The following STK3 variants were observed in gnomAD, a reference collection of about 807,000 sequenced individuals.
The protein encoded by STK3 is serine/threonine kinase 3, also known as serine/threonine-protein kinase 3.
STK3 carries 41 observed loss-of-function variants against 58.0 expected under a neutral mutation model. The ratio of observed to expected loss-of-function variants is 0.71; its 90% CI spans 0.55 to 0.92. The LOEUF (loss-of-function observed/expected upper bound fraction) is 0.92, where lower values mean the gene tolerates loss of function less well. Ranked by LOEUF, STK3 falls within the 40% of genes least tolerant of loss-of-function variation. The probability of loss-of-function intolerance (pLI) is 0.00; values close to 1 mark genes in which losing one functional copy is unlikely to be tolerated. For synonymous variants in STK3, 170 were observed against 191.0 expected (o/e 0.89, Z 0.91); for missense variants, 479 against 602.7 (o/e 0.79, Z 2.15).
At chr8:98,833,875 G>A (rs1291744188) in intron 3 of STK3, among the ~76,000 whole-genome samples, 6 of 152,034 alleles carry the variant, frequency 3.9e-5, no homozygotes, top group South Asian at 4.2e-4. Context: ...AACCTGTTAC[G>A]ACCATTTGTG....
At chr8:98,647,189 G>A (rs957012658) in intron 6 of STK3, among the ~76,000 whole-genome samples, 1 of 152,000 alleles carries the variant, frequency 6.6e-6, no homozygotes, top group African/African-American at 2.4e-5. Context: ...GATCTCCCCA[G>A]GTATATGTGT....
At position 98,749,289 on chromosome 8, in the gene STK3, A is replaced by G; in HGVS notation, c.338T>C (p.Leu113Ser). The G allele has an allele frequency of 1.2e-6, 2 of 1,603,062 alleles. No homozygotes were observed. Among genetic ancestry groups the G allele is most frequent in the Non-Finnish European group, 1.7e-6 (2 of 1,174,162 alleles). The change falls in exon 4 of 11, where the codon TTA becomes TCA. Residue 113 changes from leucine to serine, a missense_variant. This residue lies in a region of STK3 where 126 missense variants were observed against 210.1 expected (regional missense o/e 0.60). Coordinates refer to ENST00000419617, the MANE Select transcript of STK3 (RefSeq NM_006281.4). ...TAAAATACTTACTGTCTTGTTTCGT[A>G]ATCTAATTATGTCTGAGACAGAGCC... is the stretch of plus-strand genomic sequence containing the variant. ...GAGSVSDIIR[L>S]RNKTLIEDEI... is the part of the protein sequence containing the mutation.
At chr8:98,699,944 T>C (rs1469785946) in intron 6 of STK3, among the ~76,000 whole-genome samples, 1 of 152,198 alleles carries the variant, frequency 6.6e-6, no homozygotes, top group South Asian at 2.1e-4. Flanking sequence ...TGTCTTTTTG[T>C]TTGTCTGTGC....
At chr8:98,690,890 G>A (rs1824357918) in intron 6 of STK3, among the ~76,000 whole-genome samples, 1 of 152,120 alleles carries the variant, frequency 6.6e-6, no homozygotes, top group African/African-American at 2.4e-5. Flanking sequence ...AAAAAATAAT[G>A]GGATCATGTC....
At chr8:98,432,387 G>A (rs1184351383) in intron 3 of STK3, 1 of 167,086 alleles carries the variant, frequency 6.0e-6, no homozygotes, top group Non-Finnish European at 1.5e-5. Flanking sequence ...TGATATCTGT[G>A]ATGTGCATTT....
intron 6 of STK3, among the ~76,000 whole-genome samples, chr8:98,649,744 A>C (rs1257470088): frequency 6.6e-6 from 1 of 152,216 alleles, no homozygotes; most frequent in Non-Finnish European, 1.5e-5. Flanking sequence ...GTAAACCATA[A>C]AGGAATTTTA....
chr8:98,592,140 T>G (rs1815368303), intron 7 of STK3, among the ~76,000 whole-genome samples: 2 of 152,330 alleles, frequency 1.3e-5, no homozygotes, highest in South Asian at 4.1e-4. Flanking sequence ...ATTCTCTTGT[T>G]TACATATGTA....
At chr8:98,639,285 G>T (rs1233538053) in intron 6 of STK3, among the ~76,000 whole-genome samples, 1 of 151,918 alleles carries the variant, frequency 6.6e-6, no homozygotes, top group Non-Finnish European at 1.5e-5. Context: ...AATTGTTTTT[G>T]TATGTTTTGT....
intron 1 of STK3, among the ~76,000 whole-genome samples, chr8:98,803,466 C>G (rs560978626): frequency 6.6e-6 from 1 of 151,498 alleles, no homozygotes; most frequent in South Asian, 2.1e-4. Flanking sequence ...TGGTAGGGGA[C>G]GCCTGTAGTC....
chr8:98,597,112 C>T (rs904179139), intron 6 of STK3: 5 of 240,694 alleles, frequency 2.1e-5, no homozygotes, highest in African/African-American at 1.2e-4. Flanking sequence ...AAAAATTACT[C>T]CAGAATTCAA....
chr8:98,725,559 C>G (rs892885228), intron 4 of STK3, among the ~76,000 whole-genome samples: 1 of 152,228 alleles, frequency 6.6e-6, no homozygotes, highest in Admixed American at 6.5e-5. Flanking sequence ...ATCCAAGGAA[C>G]TAACTTTCCA....
At chr8:98,726,759 G>C (rs1315529878) in intron 4 of STK3, among the ~76,000 whole-genome samples, 1 of 152,044 alleles carries the variant, frequency 6.6e-6, no homozygotes, top group African/African-American at 2.4e-5. Context: ...GTACTTTCCA[G>C]GAAAATCCTT....
intron 8 of STK3, among the ~76,000 whole-genome samples, chr8:98,568,964 G>A (rs1351795047): frequency 6.6e-6 from 1 of 152,092 alleles, no homozygotes; most frequent in Admixed American, 6.6e-5. Flanking sequence ...CACTCCATAC[G>A]ATGAATGGGG....
intron 6 of STK3, among the ~76,000 whole-genome samples, chr8:98,635,705 A>T (rs188524222): frequency 3.5e-4 from 54 of 152,328 alleles, no homozygotes; most frequent in African/African-American, 1.3e-3. Flanking sequence ...ACACAGAATT[A>T]AAATATTATT....
intron 1 of STK3, among the ~76,000 whole-genome samples, chr8:98,781,355 G>A (rs1347503465): frequency 6.6e-6 from 1 of 152,170 alleles, no homozygotes; most frequent in Non-Finnish European, 1.5e-5. Flanking sequence ...AAAAGGTTCA[G>A]CAATCTATCT....
At chr8:98,772,723 A>T (rs1442516185) in intron 2 of STK3, among the ~76,000 whole-genome samples, 1 of 152,068 alleles carries the variant, frequency 6.6e-6, no homozygotes, top group African/African-American at 2.4e-5. Flanking sequence ...AAAAAAAAAT[A>T]AAACTGCGTG....
intron 4 of STK3, among the ~76,000 whole-genome samples, chr8:98,711,642 C>T (rs1388249815): frequency 6.6e-6 from 1 of 152,106 alleles, no homozygotes; most frequent in Non-Finnish European, 1.5e-5. Context: ...GGTGAAAAGA[C>T]CAAATCTATG....
intron 1 of STK3, among the ~76,000 whole-genome samples, chr8:98,445,020 T>C (rs1818875743): frequency 6.6e-6 from 1 of 152,212 alleles, no homozygotes; most frequent in African/African-American, 2.4e-5. Flanking sequence ...CAACAGAGTA[T>C]ACTTTTATCT....
intron 6 of STK3, among the ~76,000 whole-genome samples, chr8:98,613,577 T>G (rs952401624): frequency 6.6e-6 from 1 of 151,560 alleles, no homozygotes; most frequent in South Asian, 2.1e-4. Flanking sequence ...TGCATAGAAA[T>G]ATCCTCATAA....
Sources: allele counts gnomAD v4.1 joint callset (sites outside exome capture counted in the v4.1 genomes callset), GRCh38; gene constraint gnomAD v4.1.1; regional missense constraint gnomAD v4.1.1; transcripts MANE v1.5; gene names NCBI Gene and HGNC (gene_info 2026-07-23, HGNC 2026-07-21).